PI4KA: variants seen among roughly 807,000 people sequenced by gnomAD.
The protein encoded by PI4KA is phosphatidylinositol 4-kinase alpha, also known as PI4-kinase alpha.
PI4KA carries 122 observed loss-of-function variants against 271.4 expected under a neutral mutation model. That is an observed-to-expected ratio of 0.45 (90% CI 0.39 to 0.52). The LOEUF (loss-of-function observed/expected upper bound fraction) is 0.52, where lower values mean the gene tolerates loss of function less well. Ranked by LOEUF, PI4KA falls within the 20% of genes least tolerant of loss-of-function variation. PI4KA has a pLI of 0.00. For missense variants in PI4KA, 1,969 were observed against 2,769.1 expected (o/e 0.71, Z 6.48); for synonymous variants, 1,041 against 1,078.8 (o/e 0.96, Z 0.69).
intron 8 of PI4KA, among the ~76,000 whole-genome samples, 185 bp from the exon 9 acceptor site, chr22:20,811,217 C>T (rs1287172866): frequency 6.6e-6 from 1 of 152,208 alleles, no homozygotes; most frequent in African/African-American, 2.4e-5. Context: ...TCTGAAGTCA[C>T]TTGGGACTGC....
Position 20,733,716 on chromosome 22 carries a change from A to T in PI4KA, c.4160+20T>A. On this transcript the variant is annotated intron_variant, in intron 35 of 54. Coordinates refer to ENST00000255882, the MANE Select transcript of PI4KA (RefSeq NM_058004.4). ...GCTGCGCCGTCCCTGGACGCTGCAC[A>T]GCACATCTTGGGGGAGTACCTGAAG... is the stretch of plus-strand genomic sequence containing the variant. 1 of 1,613,890 alleles carries T rather than the reference A, an allele frequency of 6.2e-7. No homozygotes were observed. Among genetic ancestry groups the T allele is most frequent in the Non-Finnish European group, 8.5e-7 (1 of 1,179,856 alleles).
chr22:20,845,633 T>C (rs536731320), intron 1 of PI4KA, among the ~76,000 whole-genome samples: 35 of 152,346 alleles, frequency 2.3e-4, no homozygotes, highest in Middle Eastern at 6.8e-3. Context: ...TGTGACATGA[T>C]ACACATGGAC....
chr22:20,710,388 T>TG, intron 52 of PI4KA: 1 of 540,316 alleles, frequency 1.9e-6, no homozygotes, highest in South Asian at 2.1e-5. Context: ...AGCCCATCTT[T>TG]GGCACGTAGC....
Position 20,853,977 on chromosome 22 carries a change from A to G in PI4KA, c.156+4593T>C, listed in dbSNP as rs536487800. On this transcript the variant is annotated intron_variant, in intron 1 of 54. Transcript: ENST00000255882. Reference sequence around the variant, plus strand: ...TCATTGGTTCATTAAAGGAAAGAGAAAAAAAAAAAAGAGTAGACGGGAAAC... The same window carrying G: ...TCATTGGTTCATTAAAGGAAAGAGAGAAAAAAAAAAGAGTAGACGGGAAAC... Among the ~76,000 whole-genome samples the G allele has an allele frequency of 2.8e-4, 11 of 38,898 alleles. No individual in the cohort carries two copies. In the East Asian group the frequency reaches 3.4e-3, roughly 12 times the overall value. The allele number at this position is 38,898 out of a possible 152,430, so 25.5% of individuals were successfully genotyped here. A position where few individuals can be genotyped will look rare whatever the true frequency, so the allele number is the denominator to read the frequency against.
At chr22:20,798,341 T>A in intron 17 of PI4KA, 1 of 488,534 alleles carries the variant, frequency 2.0e-6, no homozygotes, top group East Asian at 3.7e-5. Flanking sequence ...CAGCTGCATG[T>A]GCAGCATGGG....
chr22:20,854,527 T>C (rs1311629255), intron 1 of PI4KA, among the ~76,000 whole-genome samples: 1 of 151,998 alleles, frequency 6.6e-6, no homozygotes, highest in Non-Finnish European at 1.5e-5. Context: ...AACTGTGGCA[T>C]GTAGAGAGAC....
Position 20,765,628 on chromosome 22 carries a change from G to C in PI4KA, c.2394C>G (p.Phe798Leu), listed in dbSNP as rs1463142707. The C allele has an allele frequency of 1.2e-6, 2 of 1,611,566 alleles. No homozygotes were observed. The highest frequency in any genetic ancestry group is 1.1e-5 in the South Asian group (1 of 91,022). ...KPRLQKLFRD[F>L]WLYSVLMGFA... ...ATCCCATCAGAACGGAATACAGCCAGAAGTCTCGGAAGAGCTTCTGTAACC... is the reference window on the plus strand; with the variant it reads ...ATCCCATCAGAACGGAATACAGCCACAAGTCTCGGAAGAGCTTCTGTAACC... Residue 798 changes from phenylalanine (F) to leucine (L), a missense_variant, in exon 20 of 55, where the codon TTC becomes TTG. Coordinates refer to ENST00000255882, the MANE Select transcript of PI4KA (RefSeq NM_058004.4).
At chr22:20,762,994 C>A (rs1932127604) in intron 22 of PI4KA, among the ~76,000 whole-genome samples, 1 of 96,362 alleles carries the variant, frequency 1.0e-5, no homozygotes, top group East Asian at 3.2e-4. Context: ...CCACAACTGG[C>A]TAGGTTTTTT....
At chr22:20,807,183 G>C (rs1307149105) in intron 10 of PI4KA, among the ~76,000 whole-genome samples, 179 bp downstream of exon 10, 1 of 152,198 alleles carries the variant, frequency 6.6e-6, no homozygotes, top group Non-Finnish European at 1.5e-5. Context: ...GCAGGATCAT[G>C]GACAGATTTT....
At chr22:20,806,730 T>TC (rs1005476879) in intron 10 of PI4KA, among the ~76,000 whole-genome samples, 1 of 152,048 alleles carries the variant, frequency 6.6e-6, no homozygotes, top group African/African-American at 2.4e-5. Flanking sequence ...TACTTCATTT[T>TC]CTTTTTTTTA....
At chr22:20,804,034 T>TA (rs1935495370) in intron 12 of PI4KA, among the ~76,000 whole-genome samples, 1 of 152,168 alleles carries the variant, frequency 6.6e-6, no homozygotes, top group Non-Finnish European at 1.5e-5. Context: ...CCCACAGGCC[T>TA]TGGGAATGGC....
intron 32 of PI4KA, among the ~76,000 whole-genome samples, chr22:20,736,212 G>C (rs1208859543): frequency 6.6e-6 from 1 of 152,002 alleles, no homozygotes; most frequent in Non-Finnish European, 1.5e-5. Flanking sequence ...TCTGAGAAGA[G>C]GGAATGCATG....
intron 45 of PI4KA, among the ~76,000 whole-genome samples, chr22:20,716,538 TCTC>T (rs1310863366): frequency 1.3e-5 from 2 of 152,098 alleles, no homozygotes; most frequent in African/African-American, 4.8e-5. Flanking sequence ...GGGCATGCCA[TCTC>T]CTCCTCTTCC....
chr22:20,756,035 A>G (rs1164816628), intron 23 of PI4KA, among the ~76,000 whole-genome samples: 1 of 152,070 alleles, frequency 6.6e-6, no homozygotes, highest in Non-Finnish European at 1.5e-5. Context: ...AGCCTGAGAC[A>G]TAAAGAGGCC....
chr22:20,858,399 C>CCTCCCACTAGGGCCTCCTT (rs1316200139), intron 1 of PI4KA, among the ~76,000 whole-genome samples, 171 bp downstream of exon 1: 2 of 152,008 alleles, frequency 1.3e-5, no homozygotes, highest in African/African-American at 4.8e-5. Context: ...TTCACCAGCC[C>CCTCCCACTAGGGCCTCCTT]CTCCCACTAG....
chr22:20,816,275 T>C (rs920507201), intron 7 of PI4KA, among the ~76,000 whole-genome samples: 1 of 152,146 alleles, frequency 6.6e-6, no homozygotes, highest in African/African-American at 2.4e-5. Context: ...ATTTGCGCTA[T>C]TAAAAATAAT....
chr22:20,828,528 C>T (rs2147735560), intron 3 of PI4KA, among the ~76,000 whole-genome samples: 1 of 152,030 alleles, frequency 6.6e-6, no homozygotes, highest in South Asian at 2.1e-4. Flanking sequence ...AAGTATGTTC[C>T]TTCAATGCCT....
chr22:20,766,952 G>A (rs1932590499), intron 19 of PI4KA, among the ~76,000 whole-genome samples: 1 of 152,142 alleles, frequency 6.6e-6, no homozygotes, highest in African/African-American at 2.4e-5. Flanking sequence ...ACACTTCTTT[G>A]AAAGCAATTT....
intron 1 of PI4KA, among the ~76,000 whole-genome samples, chr22:20,857,183 C>G (rs956505025): frequency 6.6e-6 from 1 of 152,170 alleles, no homozygotes; most frequent in African/African-American, 2.4e-5. Flanking sequence ...AGCAAAGTAT[C>G]AGAGAAGGGA....
Sources: allele counts gnomAD v4.1 joint callset (sites outside exome capture counted in the v4.1 genomes callset), GRCh38; gene constraint gnomAD v4.1.1; transcripts MANE v1.5; gene names NCBI Gene and HGNC (gene_info 2026-07-23, HGNC 2026-07-21).